The following SMG1 variants were observed in gnomAD, a reference collection of about 807,000 sequenced individuals.
The protein encoded by SMG1 is SMG1 nonsense mediated mRNA decay associated PI3K related kinase.
In SMG1, 22 loss-of-function variants were observed where a neutral mutation model predicts 419.9. The ratio of observed to expected loss-of-function variants is 0.05; its 90% confidence interval spans 0.04 to 0.07. The LOEUF is 0.07. Ranked by LOEUF, SMG1 falls within the 10% of genes least tolerant of loss-of-function variation. The probability of loss-of-function intolerance (pLI) is 1.00; values close to 1 mark genes in which losing one functional copy is unlikely to be tolerated. For missense variants in SMG1, 3,185 were observed against 4,342.0 expected (o/e 0.73, Z 7.49); for synonymous variants, 1,538 against 1,553.5 (o/e 0.99, Z 0.23).
chr16:18,854,994 C>A, intron 29 of SMG1, 90 bp from the exon 30 acceptor site: 1 of 1,212,682 alleles, frequency 8.2e-7, no homozygotes, highest in Non-Finnish European at 1.1e-6. Context: ...CCAACTATCC[C>A]TCTTCTGCAC....
At position 18,836,127 on chromosome 16, in the gene SMG1, C is replaced by A; in HGVS notation, c.7863G>T (p.Gly2621=). 6.2e-7 allele frequency: 1 copy of A among 1,609,782 alleles called. No homozygotes were observed. Among genetic ancestry groups the A allele is most frequent in the East Asian group, 2.2e-5 (1 of 44,696 alleles). ...HLISQCEQLE[G]EVGALLQQRR... ...TCTGCTGCAGGAGAGCACCAACCTC[C>A]CCCTCCAGCTGCTCGCACTGGCTAA... is the stretch of plus-strand genomic sequence containing the variant. The change falls in exon 48 of 63, where the codon GGG becomes GGT. Residue 2621 remains glycine (G), a synonymous_variant. Coordinates refer to ENST00000446231, the MANE Select transcript of SMG1 (RefSeq NM_015092.5).
chr16:18,870,959 C>G (rs546550482), intron 16 of SMG1, 71 bp from the exon 17 acceptor site: 46 of 767,822 alleles, frequency 6.0e-5, no homozygotes, highest in Non-Finnish European at 9.7e-5. Flanking sequence ...TCATAATTAT[C>G]TGAATCCATT....
intron 1 of SMG1, among the ~76,000 whole-genome samples, chr16:18,914,287 A>G (rs186963773): frequency 6.6e-6 from 1 of 152,324 alleles, no homozygotes; most frequent in Non-Finnish European, 1.5e-5. Context: ...CCAACATAAT[A>G]ATAACATGAA....
In SMG1 at chr16:18,807,927, T is replaced by A. The variant is rs1056364807; in HGVS notation, c.*1642A>T. On this transcript the variant is annotated 3_prime_UTR_variant, in exon 63 of 63. Coordinates refer to ENST00000446231, the MANE Select transcript of SMG1 (RefSeq NM_015092.5). ...GGCGCCCGCCACCACGCCCGGCTAATTTTTTTTGTATTTTTAGTAAAGACG... is the reference window on the plus strand; with the variant it reads ...GGCGCCCGCCACCACGCCCGGCTAAATTTTTTTGTATTTTTAGTAAAGACG... The A allele has an allele frequency of 1.5e-4, 23 of 151,988 alleles. No homozygotes were observed. The highest frequency in any genetic ancestry group is 5.3e-4 in the African/African-American group (22 of 41,328). The allele number at this position is 151,988 out of a possible 1,614,324, so 9.4% of individuals were successfully genotyped here.
chr16:18,839,181 T>TA (rs1015710463), intron 42 of SMG1, among the ~76,000 whole-genome samples: 1 of 152,126 alleles, frequency 6.6e-6, no homozygotes, highest in Non-Finnish European at 1.5e-5. Flanking sequence ...TGATTTTATT[T>TA]AAAAAAATTT....
chr16:18,821,058 C>T (rs1391589657), intron 55 of SMG1, among the ~76,000 whole-genome samples: 1 of 152,042 alleles, frequency 6.6e-6, no homozygotes, highest in African/African-American at 2.4e-5. Flanking sequence ...TAAGAAATGC[C>T]CATGCTTGTT....
chr16:18,923,765 G>A (rs1371069495), intron 1 of SMG1, among the ~76,000 whole-genome samples: 1 of 152,148 alleles, frequency 6.6e-6, no homozygotes, highest in Non-Finnish European at 1.5e-5. Context: ...GCCTGCATCT[G>A]AAGATGTTCT....
At chr16:18,833,305 T>C (rs751101139) in intron 50 of SMG1, 139 bp from the exon 51 acceptor site, 41 of 587,222 alleles carry the variant, frequency 7.0e-5, no homozygotes, top group Admixed American at 1.7e-4. Flanking sequence ...ATCTTTTGTT[T>C]ACTTTTTATT....
chr16:18,827,527 T>C (rs1162131279), intron 55 of SMG1, among the ~76,000 whole-genome samples: 1 of 145,834 alleles, frequency 6.9e-6, no homozygotes, highest in Non-Finnish European at 1.5e-5. Context: ...ATCTTTGGTA[T>C]AAATATACCA....
intron 6 of SMG1, among the ~76,000 whole-genome samples, chr16:18,888,528 T>G (rs994839929): frequency 6.6e-6 from 1 of 151,104 alleles, no homozygotes. Context: ...CAGGCAATGG[T>G]GTGATCTCGG....
At position 18,829,448 on chromosome 16, in the gene SMG1, C is replaced by G. The variant is rs867162696; in HGVS notation, c.9441G>C (p.Gln3147His). Residue 3147 changes from glutamine to histidine, a missense_variant, in exon 54 of 63, where the codon CAG (glutamine) becomes CAC (histidine). By Grantham distance (24) the Gln-to-His change is conservative (BLOSUM62 0). Transcript: ENST00000446231. ...TAACCAGCTGAGAGAACTTCCCTAT[C>G]TGGATGTTATGTTCCACCGCTTTCT... ...LCKKAVEHNIQIGKFSQLVMN... is the reference protein window; with the variant it reads ...LCKKAVEHNIHIGKFSQLVMN... 1.2e-6 allele frequency: 2 copies of G among 1,614,050 alleles called. No homozygotes were observed. Among genetic ancestry groups the G allele is most frequent in the Middle Eastern group, 3.3e-4 (2 of 6,062 alleles).
Position 18,892,272 on chromosome 16 carries a change from T to C in SMG1, c.495A>G (p.Arg165=). ...CTTTCAACTGCTTTACAGTAGCCAA[T>C]CTTCGGTCTCTGTCGTCTTCCCGGG... The part of the protein sequence containing the change: ...RITREDDRDR[R]LATVKQLKEF... The change falls in exon 4 of 63, where the codon AGA becomes AGG. Residue 165 remains arginine, a synonymous_variant. Transcript: ENST00000446231. 1 of 1,551,824 alleles carries C rather than the reference T, an allele frequency of 6.4e-7. No homozygotes were observed. Among genetic ancestry groups the C allele is most frequent in the Non-Finnish European group, 8.7e-7 (1 of 1,147,186 alleles).
intron 1 of SMG1, 118 bp downstream of exon 1, chr16:18,925,832 G>C: frequency 1.3e-6 from 1 of 745,912 alleles, no homozygotes; most frequent in Non-Finnish European, 2.0e-6. Context: ...AGGAAGCCGC[G>C]CCCGGCTCCG....
At chr16:18,915,742 AGGT>A (rs1241671750) in intron 1 of SMG1, among the ~76,000 whole-genome samples, 1 of 152,108 alleles carries the variant, frequency 6.6e-6, no homozygotes, top group Admixed American at 6.5e-5. Flanking sequence ...ATGGTTACAC[AGGT>A]GTATAGATTT....
intron 56 of SMG1, among the ~76,000 whole-genome samples, chr16:18,818,519 C>A (rs915044792): frequency 3.9e-5 from 6 of 152,100 alleles, no homozygotes; most frequent in African/African-American, 1.2e-4. Flanking sequence ...AGGGACATAC[C>A]ACCATGCCCA....
At chr16:18,876,513 T>C (rs2036140257) in intron 12 of SMG1, 120 bp from the exon 13 acceptor site, 2 of 1,286,370 alleles carry the variant, frequency 1.6e-6, no homozygotes, top group Non-Finnish European at 2.1e-6. Context: ...GATCGATCAA[T>C]TCACTGTCCG....
At chr16:18,874,374 A>G (rs1273623205) in intron 13 of SMG1, among the ~76,000 whole-genome samples, 2 of 151,632 alleles carry the variant, frequency 1.3e-5, no homozygotes, top group Non-Finnish European at 2.9e-5. Flanking sequence ...CCTGACCACA[A>G]GTGATCAGCC....
At chr16:18,916,591 G>GT (rs1248791157) in intron 1 of SMG1, among the ~76,000 whole-genome samples, 3 of 146,228 alleles carry the variant, frequency 2.1e-5, no homozygotes. Flanking sequence ...CAAGAATTTA[G>GT]TAAGTTATAC....
rs377702809 is a variant in SMG1 at position 18,839,829 on chromosome 16, G to A, written c.6814C>T (p.Arg2272Cys). The part of the protein sequence containing the change: ...KTVGLSLDVS[R>C]RDWPLHVMKA... ...ATTACATGAAGAGGCCAATCCCGAC[G>A]GGACACATCCAGGCTAAGCCCAACT... Residue 2272 changes from arginine to cysteine, a missense_variant, in exon 42 of 63, where the codon CGT (arginine) becomes TGT (cysteine). By Grantham distance (180) the Arg-to-Cys change is radical. Coordinates refer to ENST00000446231, the MANE Select transcript of SMG1 (RefSeq NM_015092.5). The A allele has an allele frequency of 6.2e-6, 10 of 1,613,750 alleles. No homozygotes were observed. Among genetic ancestry groups the A allele is most frequent in the African/African-American group, 5.3e-5 (4 of 74,886 alleles).
Sources: allele counts gnomAD v4.1 joint callset (sites outside exome capture counted in the v4.1 genomes callset), GRCh38; gene constraint gnomAD v4.1.1; transcripts MANE v1.5; gene names NCBI Gene and HGNC (gene_info 2026-07-23, HGNC 2026-07-21).